Variants in IGSF10 observed in about 807,000 individuals in gnomAD.
IGSF10 encodes calvaria mechanical force protein 608.
A neutral mutation model predicts 128.2 loss-of-function variants in IGSF10; 126 were observed. The observed-to-expected ratio is 0.98, with a 90% confidence interval of 0.85 to 1.14. The LOEUF (loss-of-function observed/expected upper bound fraction) is 1.14. IGSF10 is among the 50% of genes most tolerant of loss of function. The pLI is 0.00. For synonymous variants in IGSF10, 1,185 were observed against 1,146.2 expected (o/e 1.03, Z -0.68); for missense variants, 3,295 against 3,149.8 (o/e 1.05, Z -1.10).
the IGSF10 span, among the ~76,000 whole-genome samples, chr3:151,473,734 T>C: frequency 1.1e-4 from 16 of 152,160 alleles, no homozygotes; most frequent in Non-Finnish European, 2.1e-4. Flanking sequence ...GGCCCTTTTT[T>C]CCAAGCCCTG....
At chr3:151,463,535 T>TGTTTTTTTTTG (rs56084857), upstream of IGSF10, among the ~76,000 whole-genome samples, 1 of 52,154 alleles carries the variant, frequency 1.9e-5, no homozygotes. Context: ...TTTTTTTTTT[T>TGTTTTTTTTTG]TTTTTTTTTT....
At chr3:151,609,611 C>T in the IGSF10 span, among the ~76,000 whole-genome samples, 6 of 151,808 alleles carry the variant, frequency 4.0e-5, no homozygotes, top group South Asian at 6.3e-4. Flanking sequence ...CAACAGTGTA[C>T]GGATAAAGAA....
the IGSF10 span, among the ~76,000 whole-genome samples, chr3:151,585,024 A>G: frequency 6.6e-6 from 1 of 152,166 alleles, no homozygotes; most frequent in African/African-American, 2.4e-5. Flanking sequence ...AGTCCTTTTA[A>G]TGATTACTGT....
At chr3:151,511,164 A>G in the IGSF10 span, among the ~76,000 whole-genome samples, 1 of 152,126 alleles carries the variant, frequency 6.6e-6, no homozygotes, top group African/African-American at 2.4e-5. Flanking sequence ...CATAATTGTC[A>G]GATTCACCAA....
chr3:151,528,194 C>A, the IGSF10 span, among the ~76,000 whole-genome samples: 1 of 152,112 alleles, frequency 6.6e-6, no homozygotes, highest in Non-Finnish European at 1.5e-5. Context: ...TAGCAGTGAA[C>A]TTGAAACATA....
At chr3:151,564,681 AC>A in the IGSF10 span, among the ~76,000 whole-genome samples, 7 of 152,248 alleles carry the variant, frequency 4.6e-5, no homozygotes, top group African/African-American at 1.7e-4. Flanking sequence ...CATTTGGGTT[AC>A]GGCAGTTGAA....
chr3:151,617,259 T>TCTC, the IGSF10 span, among the ~76,000 whole-genome samples: 10 of 76,022 alleles, frequency 1.3e-4, no homozygotes, highest in African/African-American at 5.2e-4. Context: ...TTCTTCTCCT[T>TCTC]CTCTTCTTCT....
At chr3:151,578,570 G>A in the IGSF10 span, among the ~76,000 whole-genome samples, 2 of 152,170 alleles carry the variant, frequency 1.3e-5, no homozygotes, top group Admixed American at 6.5e-5. Context: ...GAGAATGACT[G>A]AGATCAAGGC....
At chr3:151,565,904 A>G in the IGSF10 span, 1 of 151,838 alleles carries the variant, frequency 6.6e-6, no homozygotes, top group South Asian at 2.1e-4. Flanking sequence ...TGACCCTCTC[A>G]CCTGATTTCT....
At chr3:151,510,500 C>T in the IGSF10 span, among the ~76,000 whole-genome samples, 1 of 152,074 alleles carries the variant, frequency 6.6e-6, no homozygotes, top group African/African-American at 2.4e-5. Context: ...CAGATAAAAC[C>T]ACAAAGACGG....
At chr3:151,515,126 C>A in the IGSF10 span, among the ~76,000 whole-genome samples, 1 of 151,918 alleles carries the variant, frequency 6.6e-6, no homozygotes, top group Non-Finnish European at 1.5e-5. Context: ...GGATATATAC[C>A]CAAAGTATTA....
At chr3:151,471,153 AG>A in the IGSF10 span, among the ~76,000 whole-genome samples, 1 of 152,146 alleles carries the variant, frequency 6.6e-6, no homozygotes, top group African/African-American at 2.4e-5. Context: ...GGTTTTATAA[AG>A]GGGAATTCTC....
At chr3:151,599,278 G>A in the IGSF10 span, among the ~76,000 whole-genome samples, 4 of 152,144 alleles carry the variant, frequency 2.6e-5, no homozygotes, top group Non-Finnish European at 5.9e-5. Flanking sequence ...GCTGAGGGTT[G>A]GAGAGGAGGG....
rs1268228681 is a variant in IGSF10, at chr3:151,457,306, CA to C, written c.195-152del. 1.4e-5 allele frequency: 10 copies of C among 734,372 alleles called. No individual in the cohort carries two copies. In the African/African-American group the frequency reaches 1.6e-4, roughly 12 times the overall value. The allele number at this position is 734,372 out of a possible 1,614,324, so 45.5% of individuals were successfully genotyped here. ...AAATGCTTCAAAAACTGAAATTCACCAGATGCCACAGAAGGTCGGCTCTCTA... is the reference window on the plus strand; with the variant it reads ...AAATGCTTCAAAAACTGAAATTCACCGATGCCACAGAAGGTCGGCTCTCTA... On this transcript the variant is annotated intron_variant, in intron 3 of 7. Coordinates refer to ENST00000282466, the MANE Select transcript of IGSF10 (RefSeq NM_178822.5).
At chr3:151,513,198 C>G in the IGSF10 span, among the ~76,000 whole-genome samples, 3 of 152,110 alleles carry the variant, frequency 2.0e-5, no homozygotes, top group Non-Finnish European at 4.4e-5. Flanking sequence ...TTGATGAACA[C>G]TGATGTAAAA....
chr3:151,602,183 T>C, the IGSF10 span, among the ~76,000 whole-genome samples: 1 of 152,228 alleles, frequency 6.6e-6, no homozygotes, highest in African/African-American at 2.4e-5. Context: ...ATTCTAAGAC[T>C]AGAACTGGTT....
the IGSF10 span, among the ~76,000 whole-genome samples, chr3:151,494,026 G>A: frequency 1.3e-5 from 2 of 151,992 alleles, no homozygotes; most frequent in African/African-American, 2.4e-5. Context: ...AATTTATATT[G>A]TAGTTCTGGA....
At chr3:151,551,224 G>A in the IGSF10 span, among the ~76,000 whole-genome samples, 2 of 152,062 alleles carry the variant, frequency 1.3e-5, no homozygotes, top group African/African-American at 4.8e-5. Flanking sequence ...TCCCTTTGAT[G>A]CATACTTATA....
chr3:151,618,172 C>G, the IGSF10 span, among the ~76,000 whole-genome samples: 1 of 152,118 alleles, frequency 6.6e-6, no homozygotes, highest in Non-Finnish European at 1.5e-5. Context: ...ATCTCTCTCT[C>G]TCACTGTGGG....
Sources: allele counts gnomAD v4.1 joint callset (sites outside exome capture counted in the v4.1 genomes callset), GRCh38; gene constraint gnomAD v4.1.1; transcripts MANE v1.5; gene names NCBI Gene and HGNC (gene_info 2026-07-23, HGNC 2026-07-21).